MAGEA6: variants seen among roughly 807,000 people sequenced by gnomAD.
The protein encoded by MAGEA6 is melanoma-associated antigen 6.
For missense variants in MAGEA6, 281 were observed against 231.4 expected (o/e 1.21, Z -1.39); for synonymous variants, 100 against 98.8 (o/e 1.01, Z -0.07).
In MAGEA6 at chrX:152,766,535, A is replaced by G. The variant is rs2124948781; in HGVS notation, c.*171T>C. The G allele has an allele frequency of 2.0e-6, 1 of 495,888 alleles. No homozygotes were observed. Among genetic ancestry groups the G allele is most frequent in the East Asian group, 3.5e-5 (1 of 28,410 alleles). The allele number at this position is 495,888 out of a possible 1,213,427, so 40.9% of individuals were successfully genotyped here. ...AACAGGAAACAAAGAATAATCTCAA[A>G]GTCATCCAACAGAACAGAAACCCAC... On this transcript the variant is annotated 3_prime_UTR_variant, in exon 3 of 3. Transcript: ENST00000329342.
In MAGEA6 at chrX:152,767,595, C is replaced by T. The variant is rs782686360; in HGVS notation, c.56G>A (p.Arg19Gln). ...ACCCACCAGGCCCAGGGCCTCTCCT[C>T]GGGCCTCAAGGCCTTCTTCAGGCTT... ...HCKPEEGLEA[R>Q]GEALGLVGAQ... is the part of the protein sequence containing the mutation. Residue 19 changes from arginine (R) to glutamine (Q), a missense_variant, in exon 3 of 3, where the codon CGA becomes CAA. Coordinates refer to ENST00000329342, the MANE Select transcript of MAGEA6 (RefSeq NM_005363.5). 9 of 718,596 alleles carry T rather than the reference C, an allele frequency of 1.3e-5. No homozygotes were observed. The highest frequency in any genetic ancestry group is 1.0e-4 in the African/African-American group (4 of 39,484). 59.2% of individuals were successfully genotyped at this position (718,596 alleles called of 1,213,427 possible).
chrX:152,767,280 T>C lies in MAGEA6; in HGVS notation c.371A>G (p.Tyr124Cys), dbSNP rs1352763080. ...AKLVHFLLLK[Y>C]RAREPVTKAE... ...CTTTGTGACCGGCTCCCTGGCTCGA[T>C]ACTTGAGGAGCAGAAAATGAACCAA... The change falls in exon 3 of 3, where the codon TAT becomes TGT. Residue 124 changes from tyrosine to cysteine, a missense_variant. By Grantham distance (194) the Tyr-to-Cys change is radical. Transcript: ENST00000329342. 7.4e-6 allele frequency: 9 copies of C among 1,208,550 alleles called. No individual in the cohort carries two copies. Among genetic ancestry groups the C allele is most frequent in the Non-Finnish European group, 6.7e-6 (6 of 894,292 alleles).
chrX:152,766,875 C>A lies in MAGEA6; in HGVS notation c.776G>T (p.Arg259Leu). ...TGCAGGATCACTGCCGGGGACCTGC[C>A]GGTACTCCAGGTAGTTTTCCTGCAC... is the stretch of plus-strand genomic sequence containing the variant. ...YFVQENYLEY[R>L]QVPGSDPACY... Residue 259 changes from arginine to leucine, a missense_variant, in exon 3 of 3, where the codon CGG becomes CTG. Transcript: ENST00000329342. 1 of 1,210,901 alleles carries A rather than the reference C, an allele frequency of 8.3e-7. No homozygotes were observed. Among genetic ancestry groups the A allele is most frequent in the African/African-American group, 1.7e-5 (1 of 57,777 alleles).
rs372586300 is a variant in MAGEA6, at chrX:152,767,462, C to G, written c.189G>C (p.Gln63His). The change falls in exon 3 of 3, where the codon CAG (glutamine) becomes CAC (histidine). Residue 63 changes from glutamine (Q) to histidine (H), a missense_variant. Coordinates refer to ENST00000329342, the MANE Select transcript of MAGEA6 (RefSeq NM_005363.5). ...GGAGGCTGGAGGCTCCCTGAGGACT[C>G]TGGGGAGGATCTGGTGACTCGGCAG... ...VPAAESPDPPQSPQGASSLPT... is the reference protein window; with the variant it reads ...VPAAESPDPPHSPQGASSLPT... 11 of 1,174,562 alleles carry G rather than the reference C, an allele frequency of 9.4e-6. No homozygotes were observed. Among genetic ancestry groups the G allele is most frequent in the East Asian group, 3.0e-5 (1 of 32,924 alleles).
chrX:152,766,790 C>T lies in MAGEA6; in HGVS notation c.861G>A (p.Leu287=), dbSNP rs2124947792. 1.7e-6 allele frequency: 2 copies of T among 1,210,720 alleles called. No homozygotes were observed. Among genetic ancestry groups the T allele is most frequent in the East Asian group, 3.0e-5 (1 of 33,798 alleles). The part of the protein sequence containing the change: ...ALIETSYVKV[L]HHMVKISGGP... ...CTCCACTGATCTTTACCATATGGTG[C>T]AGGACTTTCACATAGCTGGTTTCAA... Residue 287 remains leucine, a synonymous_variant, in exon 3 of 3, where the codon CTG becomes CTA. Transcript: ENST00000329342.
chrX:152,766,716 C>T lies in MAGEA6; in HGVS notation c.935G>A (p.Gly312Glu). ...PLLHEWALRE[G>E]EE ...AACTCGTGCTCAGACTCACTCTTCCCCCTCTCTCAAAGCCCACTCATGCAG... is the reference window on the plus strand; with the variant it reads ...AACTCGTGCTCAGACTCACTCTTCCTCCTCTCTCAAAGCCCACTCATGCAG... Residue 312 changes from glycine (G) to glutamate (E), a missense_variant, in exon 3 of 3, where the codon GGG becomes GAG. Gly to Glu is a moderately conservative substitution (Grantham distance 98). Coordinates refer to ENST00000329342, the MANE Select transcript of MAGEA6 (RefSeq NM_005363.5). 1 of 1,209,340 alleles carries T rather than the reference C, an allele frequency of 8.3e-7. No individual in the cohort carries two copies. The highest frequency in any genetic ancestry group is 1.1e-6 in the Non-Finnish European group (1 of 893,935).
In MAGEA6 at chrX:152,767,299, G is replaced by A. The variant is rs2124945338; in HGVS notation, c.352C>T (p.His118Tyr). 1.7e-6 allele frequency: 2 copies of A among 1,210,535 alleles called. No individual in the cohort carries two copies. The highest frequency in any genetic ancestry group is 2.2e-5 in the Admixed American group (1 of 46,030). Residue 118 changes from histidine to tyrosine, a missense_variant, in exon 3 of 3, where the codon CAT becomes TAT. Coordinates refer to ENST00000329342, the MANE Select transcript of MAGEA6 (RefSeq NM_005363.5). ...GCTCGATACTTGAGGAGCAGAAAAT[G>A]AACCAACTTGGCCACCTTCCTACTG... ...ALSRKVAKLV[H>Y]FLLLKYRARE...
chrX:152,767,102 G>A lies in MAGEA6; in HGVS notation c.549C>T (p.Gly183=), dbSNP rs1556826560. 11 of 1,208,996 alleles carry A rather than the reference G, an allele frequency of 9.1e-6. No homozygotes were observed. In the East Asian group the frequency reaches 2.7e-4, roughly 29 times the overall value. The change falls in exon 3 of 3, where the codon GGC becomes GGT. Residue 183 remains glycine, a synonymous_variant. Coordinates refer to ENST00000329342, the MANE Select transcript of MAGEA6 (RefSeq NM_005363.5). ...GHVYIFATCL[G]LSYDGLLGDN... ...CACCCAGCAGGCCATCGTAGGAGAG[G>A]CCCAGGCAGGTGGCAAAGATGTACA...
chrX:152,766,912 T>C lies in MAGEA6; in HGVS notation c.739A>G (p.Thr247Ala), dbSNP rs2124947093. Residue 247 changes from threonine to alanine, a missense_variant, in exon 3 of 3, where the codon ACC (threonine) becomes GCC (alanine). Thr to Ala is a moderately conservative substitution (Grantham distance 58). Transcript: ENST00000329342. ...SIFGDPKKLL[T>A]QYFVQENYLE... ...TAGTTTTCCTGCACGAAATATTGGG[T>C]GAGCAGCTTCTTGGGATCCCCGAAG... 3.3e-6 allele frequency: 4 copies of C among 1,210,682 alleles called. No homozygotes were observed. The highest frequency in any genetic ancestry group is 3.0e-5 in the East Asian group (1 of 33,791).
intron 1 of MAGEA6, 90 bp from the exon 2 acceptor site, chrX:152,767,951 G>A: frequency 1.3e-5 from 2 of 157,613 alleles, no homozygotes; most frequent in South Asian, 1.6e-4. Flanking sequence ...GTGAGGCCAG[G>A]CGCTCTGGAG....
Position 152,767,667 on chromosome X carries a change from G to T in MAGEA6, c.-17C>A. 4.4e-6 allele frequency: 2 copies of T among 454,431 alleles called. No homozygotes were observed. The highest frequency in any genetic ancestry group is 7.4e-6 in the Non-Finnish European group (2 of 271,227). 37.5% of individuals were successfully genotyped at this position (454,431 alleles called of 1,213,427 possible). ...AAGAGGCATGATGACTCTGGTCAGGGCAACAGGCGGGAGTGTGGGCAGGAG... is the reference window on the plus strand; with the variant it reads ...AAGAGGCATGATGACTCTGGTCAGGTCAACAGGCGGGAGTGTGGGCAGGAG... On this transcript the variant is annotated 5_prime_UTR_variant, in exon 3 of 3. Transcript: ENST00000329342.
At position 152,767,572 on chromosome X, in the gene MAGEA6, C is replaced by T. The variant is rs1932760386; in HGVS notation, c.79G>A (p.Gly27Ser). The change falls in exon 3 of 3, where the codon GGT (glycine) becomes AGT (serine). Residue 27 changes from glycine to serine, a missense_variant. Gly to Ser is a moderately conservative substitution (Grantham distance 56). Coordinates refer to ENST00000329342, the MANE Select transcript of MAGEA6 (RefSeq NM_005363.5). Reference protein sequence around the residue: ...EARGEALGLVGAQAPATEEQE... With the variant: ...EARGEALGLVSAQAPATEEQE... ...TCCTCAGTAGCAGGAGCCTGCGCAC[C>T]CACCAGGCCCAGGGCCTCTCCTCGG... is the stretch of plus-strand genomic sequence containing the variant. 1 of 804,820 alleles carries T rather than the reference C, an allele frequency of 1.2e-6. No homozygotes were observed. Among genetic ancestry groups the T allele is most frequent in the South Asian group, 2.7e-5 (1 of 37,102 alleles). 66.3% of individuals were successfully genotyped at this position (804,820 alleles called of 1,213,427 possible). A position where few individuals can be genotyped will look rare whatever the true frequency, so the allele number is the denominator to read the frequency against.
rs1556827142 is a variant in MAGEA6 at position 152,766,795 on chromosome X, C to G, written c.856G>C (p.Val286Leu). The G allele has an allele frequency of 5.0e-6, 6 of 1,209,107 alleles. No individual in the cohort carries two copies. The African/African-American group carries it at 7.0e-5, about 14-fold the overall frequency. The stretch of plus-strand genomic sequence containing the variant: ...CTGATCTTTACCATATGGTGCAGGA[C>G]TTTCACATAGCTGGTTTCAATGAGG... Reference protein sequence around the residue: ...RALIETSYVKVLHHMVKISGG... With the variant: ...RALIETSYVKLLHHMVKISGG... The change falls in exon 3 of 3, where the codon GTC (valine) becomes CTC (leucine). Residue 286 changes from valine (V) to leucine (L), a missense_variant. Val to Leu is a conservative substitution (Grantham distance 32). Coordinates refer to ENST00000329342, the MANE Select transcript of MAGEA6 (RefSeq NM_005363.5).
rs1602890721 is a variant in MAGEA6 at position 152,766,653 on chromosome X, T to C, written c.*53A>G. On this transcript the variant is annotated 3_prime_UTR_variant, in exon 3 of 3. Transcript: ENST00000329342. ...AACTAAGGGATGGGGCCCCGGAAGG[T>C]GCACTGGCCCAAACCCCCTCCCACT... 3 of 1,165,864 alleles carry C rather than the reference T, an allele frequency of 2.6e-6. No homozygotes were observed. Among genetic ancestry groups the C allele is most frequent in the Non-Finnish European group, 3.5e-6 (3 of 867,559 alleles).
At position 152,766,869 on chromosome X, in the gene MAGEA6, A is replaced by T; in HGVS notation, c.782T>A (p.Val261Asp). Residue 261 changes from valine to aspartate, a missense_variant, in exon 3 of 3, where the codon GTC becomes GAC. Transcript: ENST00000329342. ...VQENYLEYRQ[V>D]PGSDPACYEF... The stretch of plus-strand genomic sequence containing the variant: ...ATAGCATGCAGGATCACTGCCGGGG[A>T]CCTGCCGGTACTCCAGGTAGTTTTC... 5.8e-6 allele frequency: 7 copies of T among 1,209,844 alleles called. No homozygotes were observed. The highest frequency in any genetic ancestry group is 7.8e-6 in the Non-Finnish European group (7 of 894,590).
rs1932732380 is a variant in MAGEA6 at position 152,766,807 on chromosome X, T to C, written c.844A>G (p.Ser282Gly). ...ATATGGTGCAGGACTTTCACATAGC[T>C]GGTTTCAATGAGGGCCCTTGGACCC... ...LWGPRALIETSYVKVLHHMVK... is the reference protein window; with the variant it reads ...LWGPRALIETGYVKVLHHMVK... The change falls in exon 3 of 3, where the codon AGC becomes GGC. Residue 282 changes from serine to glycine, a missense_variant. Coordinates refer to ENST00000329342, the MANE Select transcript of MAGEA6 (RefSeq NM_005363.5). 2.5e-6 allele frequency: 3 copies of C among 1,209,167 alleles called. No homozygotes were observed. Among genetic ancestry groups the C allele is most frequent in the African/African-American group, 3.5e-5 (2 of 57,116 alleles).
Position 152,766,699 on chromosome X carries a change from C to G in MAGEA6, c.*7G>C, listed in dbSNP as rs1556827261. 4.7e-5 allele frequency: 56 copies of G among 1,204,228 alleles called. No individual in the cohort carries two copies. The highest frequency in any genetic ancestry group is 5.9e-5 in the Non-Finnish European group (53 of 891,846). On this transcript the variant is annotated 3_prime_UTR_variant, in exon 3 of 3. Coordinates refer to ENST00000329342, the MANE Select transcript of MAGEA6 (RefSeq NM_005363.5). ...CCACTGGCCCTGGCTGCAACTCGTGCTCAGACTCACTCTTCCCCCTCTCTC... is the reference window on the plus strand; with the variant it reads ...CCACTGGCCCTGGCTGCAACTCGTGGTCAGACTCACTCTTCCCCCTCTCTC...
Position 152,766,794 on chromosome X carries a change from A to C in MAGEA6, c.857T>G (p.Val286Gly), listed in dbSNP as rs1932731658. 1 of 1,209,002 alleles carries C rather than the reference A, an allele frequency of 8.3e-7. No homozygotes were observed. ...ACTGATCTTTACCATATGGTGCAGG[A>C]CTTTCACATAGCTGGTTTCAATGAG... The part of the protein sequence containing the change: ...RALIETSYVK[V>G]LHHMVKISGG... Residue 286 changes from valine to glycine, a missense_variant, in exon 3 of 3, where the codon GTC becomes GGC. Transcript: ENST00000329342.
Position 152,766,758 on chromosome X carries a change from C to T in MAGEA6, c.893G>A (p.Arg298His), listed in dbSNP as rs35987457. Residue 298 changes from arginine (R) to histidine (H), a missense_variant, in exon 3 of 3, where the codon CGC becomes CAC. Physicochemically the swap from Arg to His is conservative, Grantham distance 29 (BLOSUM62 0). Coordinates refer to ENST00000329342, the MANE Select transcript of MAGEA6 (RefSeq NM_005363.5). ...CTCATGCAGGAGTGGGTAGGAAATG[C>T]GAGGTCCTCCACTGATCTTTACCAT... Reference protein sequence around the residue: ...HHMVKISGGPRISYPLLHEWA... With the variant: ...HHMVKISGGPHISYPLLHEWA... 109 of 1,208,674 alleles carry T rather than the reference C, an allele frequency of 9.0e-5. No homozygotes were observed. Among genetic ancestry groups the T allele is most frequent in the East Asian group, 6.8e-4 (23 of 33,688 alleles).
Sources: gnomAD v4.1 joint callset for allele counts on GRCh38, gnomAD v4.1.1 for gene constraint, MANE v1.5 for transcripts, NCBI Gene and HGNC (gene_info 2026-07-23, HGNC 2026-07-21) for gene names.